The following SLBP variants were observed in gnomAD, a reference collection of about 807,000 sequenced individuals.
The protein encoded by SLBP is stem-loop histone mRNA binding protein.
A neutral mutation model predicts 39.2 loss-of-function variants in SLBP; 29 were observed. The ratio of observed to expected loss-of-function variants is 0.74; its 90% CI spans 0.55 to 1.01. The LOEUF (loss-of-function observed/expected upper bound fraction) is 1.01, where lower values mean the gene tolerates loss of function less well. SLBP is among the 50% of genes least tolerant of loss of function. The probability of loss-of-function intolerance (pLI) is 0.00; values close to 1 mark genes in which losing one functional copy is unlikely to be tolerated. For synonymous variants in SLBP, 129 were observed against 118.7 expected, an observed-to-expected ratio of 1.09 and a Z score of -0.57; for missense variants, 390 against 350.2, an observed-to-expected ratio of 1.11 and a Z score of -0.91.
chr4:1,696,392 C>T, intron 5 of SLBP, 41 bp from the exon 6 acceptor site: 1 of 1,474,760 alleles, frequency 6.8e-7, no homozygotes, highest in Non-Finnish European at 9.0e-7. Flanking sequence ...CCACATGCCA[C>T]TCACATTTCC....
chr4:1,705,543 T>G (rs748498847), intron 2 of SLBP, among the ~76,000 whole-genome samples: 16 of 152,234 alleles, frequency 1.1e-4, no homozygotes, highest in Non-Finnish European at 2.2e-4. Flanking sequence ...GAATTATCTG[T>G]AAGTCTGAGT....
At chr4:1,710,556 G>A (rs1291448247) in intron 2 of SLBP, among the ~76,000 whole-genome samples, 1 of 152,212 alleles carries the variant, frequency 6.6e-6, no homozygotes, top group Non-Finnish European at 1.5e-5. Flanking sequence ...AGAGATGACT[G>A]TCAGGGCTTC....
At chr4:1,695,764 G>A (rs1716082675) in intron 6 of SLBP, among the ~76,000 whole-genome samples, 1 of 147,232 alleles carries the variant, frequency 6.8e-6, no homozygotes, top group Non-Finnish European at 1.5e-5. Context: ...CTCGGTGACA[G>A]AGCATCTCCC....
At chr4:1,709,613 CTTTT>C (rs35077844) in intron 2 of SLBP, among the ~76,000 whole-genome samples, 2 of 141,074 alleles carry the variant, frequency 1.4e-5, no homozygotes, top group Non-Finnish European at 3.1e-5. Context: ...ACATCTACTT[CTTTT>C]TTTTTTTTTT....
chr4:1,711,123 T>C (rs559489429), intron 2 of SLBP, among the ~76,000 whole-genome samples: 1 of 151,164 alleles, frequency 6.6e-6, no homozygotes, highest in South Asian at 2.1e-4. Context: ...AGCATAATTT[T>C]TTCCTTTTGG....
At chr4:1,708,419 G>T (rs1484025434) in intron 2 of SLBP, among the ~76,000 whole-genome samples, 1 of 152,112 alleles carries the variant, frequency 6.6e-6, no homozygotes, top group Non-Finnish European at 1.5e-5. Flanking sequence ...ACTTAAATTG[G>T]ATTTCTAAAA....
chr4:1,711,839 C>T (rs1716786265), intron 2 of SLBP, 35 bp downstream of exon 2: 2 of 1,172,164 alleles, frequency 1.7e-6, no homozygotes, highest in Non-Finnish European at 1.1e-6. Context: ...CGTCAAGGGC[C>T]CCACCGCGCC....
At chr4:1,710,586 T>C (rs1423454198) in intron 2 of SLBP, among the ~76,000 whole-genome samples, 1 of 151,936 alleles carries the variant, frequency 6.6e-6, no homozygotes, top group Admixed American at 6.6e-5. Flanking sequence ...AAGAGAAAAG[T>C]AGGTTGAAGG....
chr4:1,703,817 G>A lies in SLBP; in HGVS notation c.177-117C>T. ...ACAGTGGCTTGTGCCTGTAATACCA[G>A]CACTTTGGAAACTGAGGTAGGAGGA... On this transcript the variant is annotated intron_variant, in intron 2 of 7. Coordinates refer to ENST00000489418, the MANE Select transcript of SLBP (RefSeq NM_006527.4). 3.9e-6 allele frequency: 3 copies of A among 762,084 alleles called. No individual in the cohort carries two copies. The Admixed American group carries it at 6.0e-5, about 15-fold the overall frequency. The allele number at this position is 762,084 out of a possible 1,614,324, so 47.2% of individuals were successfully genotyped here.
rs1716250497 is a variant in SLBP, at chr4:1,699,659, A to C, written c.384T>G (p.Phe128Leu). ...KESMSTVPADFETDESVLMRR... is the reference protein window; with the variant it reads ...KESMSTVPADLETDESVLMRR... ...TCATTAGGACACTTTCATCTGTCTC[A>C]AAGTCAGCCGGCACAGTAGACATAG... is the stretch of plus-strand genomic sequence containing the variant. Residue 128 changes from phenylalanine to leucine, a missense_variant, in exon 5 of 8, where the codon TTT becomes TTG. By Grantham distance (22) the Phe-to-Leu change is conservative (BLOSUM62 0). Transcript: ENST00000489418. 3 of 1,613,874 alleles carry C rather than the reference A, an allele frequency of 1.9e-6. No individual in the cohort carries two copies. Among genetic ancestry groups the C allele is most frequent in the Non-Finnish European group, 2.5e-6 (3 of 1,179,740 alleles).
Position 1,712,277 on chromosome 4 carries a change from T to G in SLBP, c.-89A>C, listed in dbSNP as rs181032842. The G allele has an allele frequency of 8.4e-6, 7 of 829,970 alleles. No homozygotes were observed. The South Asian group carries it at 1.3e-4, about 15-fold the overall frequency. The allele number at this position is 829,970 out of a possible 1,614,324, so 51.4% of individuals were successfully genotyped here. On this transcript the variant is annotated 5_prime_UTR_variant, in exon 1 of 8. Transcript: ENST00000489418. ...GCGCAGAGTAGAGCAGGGCAGGGCC[T>G]GAGGCAGAAACCCGCGTCCCCGCGC...
At chr4:1,706,971 G>C (rs1212625955) in intron 2 of SLBP, among the ~76,000 whole-genome samples, 1 of 150,748 alleles carries the variant, frequency 6.6e-6, no homozygotes, top group African/African-American at 2.4e-5. Flanking sequence ...TGTAATCCCA[G>C]CACTTTGGGA....
chr4:1,706,328 G>A (rs547490616), intron 2 of SLBP, among the ~76,000 whole-genome samples: 3 of 152,054 alleles, frequency 2.0e-5, no homozygotes, highest in African/African-American at 4.8e-5. Context: ...TTTACCTTTC[G>A]GGCGCATGTA....
rs1560265381 is a variant in SLBP, at chr4:1,711,861, GT to G, written c.176+12del. The G allele has an allele frequency of 7.8e-7, 1 of 1,289,540 alleles. No individual in the cohort carries two copies. The highest frequency in any genetic ancestry group is 9.9e-7 in the Non-Finnish European group (1 of 1,011,992). 79.9% of individuals were successfully genotyped at this position (1,289,540 alleles called of 1,614,324 possible). On this transcript the variant is annotated intron_variant, in intron 2 of 7. Coordinates refer to ENST00000489418, the MANE Select transcript of SLBP (RefSeq NM_006527.4). The stretch of plus-strand genomic sequence containing the variant: ...GGCCCCACCGCGCCCCGACCCCCGG[GT>G]CCCGCGCCCACCTCTCGGGTCTGCG...
chr4:1,697,562 C>T (rs1221765649), intron 5 of SLBP, among the ~76,000 whole-genome samples: 6 of 151,914 alleles, frequency 3.9e-5, no homozygotes, highest in African/African-American at 1.2e-4. Context: ...CTATCCGGGC[C>T]GGGTGCGGTG....
At chr4:1,698,675 G>A (rs1004019440) in intron 5 of SLBP, among the ~76,000 whole-genome samples, 2 of 151,924 alleles carry the variant, frequency 1.3e-5, no homozygotes, top group East Asian at 2.0e-4. Flanking sequence ...TAGTAGAGAC[G>A]GGGTTCCACC....
At chr4:1,708,908 C>T (rs1716625062) in intron 2 of SLBP, among the ~76,000 whole-genome samples, 1 of 152,222 alleles carries the variant, frequency 6.6e-6, no homozygotes, top group African/African-American at 2.4e-5. Context: ...CAAAAACTTC[C>T]ATAACTTCTA....
chr4:1,694,661 G>C, intron 7 of SLBP, 113 bp downstream of exon 7: 1 of 780,428 alleles, frequency 1.3e-6, no homozygotes, highest in Non-Finnish European at 2.3e-6. Flanking sequence ...AAGGTGCTGG[G>C]ATTACAGGCG....
intron 5 of SLBP, among the ~76,000 whole-genome samples, chr4:1,697,463 G>A (rs895307895): frequency 6.6e-6 from 1 of 151,698 alleles, no homozygotes; most frequent in South Asian, 2.1e-4. Flanking sequence ...GGGAGACTCC[G>A]TCTCAAAAAT....
Sources: gnomAD v4.1 joint callset for allele counts (sites outside exome capture counted in the v4.1 genomes callset) on GRCh38, gnomAD v4.1.1 for gene constraint, MANE v1.5 for transcripts, NCBI Gene and HGNC (gene_info 2026-07-23, HGNC 2026-07-21) for gene names.